The following OR1C1 variants were observed in gnomAD, a reference collection of about 807,000 sequenced individuals.
OR1C1 encodes olfactory receptor 1C1.
For synonymous variants in OR1C1, 153 were observed against 154.6 expected, an observed-to-expected ratio of 0.99 and a Z score of 0.08; for missense variants, 407 against 384.3, an observed-to-expected ratio of 1.06 and a Z score of -0.49.
rs1057152045 is a variant in OR1C1, at chr1:247,757,772, A to T, written c.635T>A (p.Val212Asp). 1 of 1,614,034 alleles carries T rather than the reference A, an allele frequency of 6.2e-7. No homozygotes were observed. Among genetic ancestry groups the T allele is most frequent in the Middle Eastern group, 1.7e-4 (1 of 6,060 alleles). ...VGGLLALTPL[V>D]CILVSYGLIF... The stretch of plus-strand genomic sequence containing the variant: ...AAGTCCATAAGATACGAGGATACAG[A>T]CAAGGGGCGTGAGAGCCAATAGACC... Residue 212 changes from valine (V) to aspartate (D), a missense_variant, in exon 2 of 2, where the codon GTC (valine) becomes GAC (aspartate). By Grantham distance (152) the Val-to-Asp change is radical. Coordinates refer to ENST00000641256, the MANE Select transcript of OR1C1 (RefSeq NM_012353.3).
rs372101119 is a variant in OR1C1, at chr1:247,755,672, G to A, written c.*1790C>T. 6.6e-6 allele frequency: 1 copy of A among 152,016 alleles called. No homozygotes were observed. Among genetic ancestry groups the A allele is most frequent in the Non-Finnish European group, 1.5e-5 (1 of 67,986 alleles). The allele number at this position is 152,016 out of a possible 1,614,324, so 9.4% of individuals were successfully genotyped here. On this transcript the variant is annotated 3_prime_UTR_variant, in exon 2 of 2. Coordinates refer to ENST00000641256, the MANE Select transcript of OR1C1 (RefSeq NM_012353.3). ...CAAAAGATAAAAAAGTTTGATGAGGGTATGGAGGAAAAAGAATCTTTCTTC... is the reference window on the plus strand; with the variant it reads ...CAAAAGATAAAAAAGTTTGATGAGGATATGGAGGAAAAAGAATCTTTCTTC...
At position 247,758,658 on chromosome 1, in the gene OR1C1, C is replaced by A. The variant is rs922781559; in HGVS notation, c.-13-239G>T. On this transcript the variant is annotated intron_variant, in intron 1 of 1. Transcript: ENST00000641256. ...TATCAACTTCTTTCAAGACTGACTTCTTCCCCCAAAAGAAAATGCAAATTA... is the reference window on the plus strand; with the variant it reads ...TATCAACTTCTTTCAAGACTGACTTATTCCCCCAAAAGAAAATGCAAATTA... 3 of 381,418 alleles carry A rather than the reference C, an allele frequency of 7.9e-6. No homozygotes were observed. The South Asian group carries it at 2.0e-4, about 26-fold the overall frequency. The allele number at this position is 381,418 out of a possible 1,614,324, so 23.6% of individuals were successfully genotyped here.
intron 1 of OR1C1, among the ~76,000 whole-genome samples, chr1:247,759,965 A>T (rs1018848496): frequency 6.6e-6 from 1 of 152,172 alleles, no homozygotes; most frequent in Admixed American, 6.5e-5. Flanking sequence ...TATTAATCTC[A>T]TACTCACTAT....
At chr1:247,760,025 ACTT>A (rs1661302590) in intron 1 of OR1C1, among the ~76,000 whole-genome samples, 3 of 152,158 alleles carry the variant, frequency 2.0e-5, no homozygotes, top group Admixed American at 6.5e-5. Context: ...TTCTTGGTCT[ACTT>A]CATTGTAGTT....
In OR1C1 at chr1:247,757,597, G is replaced by A. The variant is rs746047503; in HGVS notation, c.810C>T (p.Ser270=). ...AATACATGATGGTTGACAGAGTGTC[G>A]CTCTCAGGCATATGGGGGGATGAAG... ...FSPSSPHMPE[S]DTLSTIMYSM... Residue 270 remains serine (S), a synonymous_variant, in exon 2 of 2, where the codon AGC becomes AGT. Coordinates refer to ENST00000641256, the MANE Select transcript of OR1C1 (RefSeq NM_012353.3). 20 of 1,613,862 alleles carry A rather than the reference G, an allele frequency of 1.2e-5. No individual in the cohort carries two copies. The highest frequency in any genetic ancestry group is 1.6e-4 in the Middle Eastern group (1 of 6,084).
At position 247,756,034 on chromosome 1, in the gene OR1C1, A is replaced by T. The variant is rs1661205331; in HGVS notation, c.*1428T>A. 1 of 152,200 alleles carries T rather than the reference A, an allele frequency of 6.6e-6. No homozygotes were observed. Among genetic ancestry groups the T allele is most frequent in the Non-Finnish European group, 1.5e-5 (1 of 68,038 alleles). 9.4% of individuals were successfully genotyped at this position (152,200 alleles called of 1,614,324 possible). A position where few individuals can be genotyped will look rare whatever the true frequency, so the allele number is the denominator to read the frequency against. On this transcript the variant is annotated 3_prime_UTR_variant, in exon 2 of 2. Coordinates refer to ENST00000641256, the MANE Select transcript of OR1C1 (RefSeq NM_012353.3). The surrounding 1 kb of genome is among the most constrained non-coding windows in gnomAD (Gnocchi z 4.3). ...TTGTGACATAATCTTTTAACTACAG[A>T]CACGTCTTACCCATTTTTATTGGGT...
At chr1:247,758,517 T>C (rs993889619) in intron 1 of OR1C1, 98 bp from the exon 2 acceptor site, 20 of 662,766 alleles carry the variant, frequency 3.0e-5, no homozygotes, top group African/African-American at 1.6e-4. Context: ...TGTGTGTGTG[T>C]GCATGCGTGC....
chr1:247,758,443 G>A (rs74666869), intron 1 of OR1C1, 24 bp from the exon 2 acceptor site: 69 of 1,251,150 alleles, frequency 5.5e-5, no homozygotes, highest in Non-Finnish European at 7.4e-5. Context: ...TTATTAAATT[G>A]TAAAAGCCAG....
chr1:247,757,894 G>T lies in OR1C1; in HGVS notation c.513C>A (p.Ser171=). 1 of 1,614,038 alleles carries T rather than the reference G, an allele frequency of 6.2e-7. No individual in the cohort carries two copies. The highest frequency in any genetic ancestry group is 8.5e-7 in the Non-Finnish European group (1 of 1,179,984). The change falls in exon 2 of 2, where the codon TCC becomes TCA. Residue 171 remains serine, a synonymous_variant. Transcript: ENST00000641256. The part of the protein sequence containing the change: ...VLIAQLSFCA[S]NIIHHFFCDL... ...CACAGAAGAAATGATGGATGATATT[G>T]GAGGCACAGAAGGACAGCTGTGCTA...
chr1:247,759,170 A>G (rs1175632723), intron 1 of OR1C1, among the ~76,000 whole-genome samples: 1 of 152,106 alleles, frequency 6.6e-6, no homozygotes, highest in Non-Finnish European at 1.5e-5. Context: ...GTACTCTCCA[A>G]CTTCTCACTT....
rs1558317917 is a variant in OR1C1, at chr1:247,758,022, G to A, written c.385C>T (p.Pro129Ser). Residue 129 changes from proline to serine, a missense_variant, in exon 2 of 2, where the codon CCC (proline) becomes TCC (serine). Coordinates refer to ENST00000641256, the MANE Select transcript of OR1C1 (RefSeq NM_012353.3). ...TTCATTCTGGCGGTGTAATGTAAGG[G>A]GTGGCAAATCGCCACATATCTATCA... is the stretch of plus-strand genomic sequence containing the variant. ...AYDRYVAICH[P>S]LHYTARMNLC... 6.2e-7 allele frequency: 1 copy of A among 1,614,038 alleles called. No homozygotes were observed.
chr1:247,757,072 A>G lies in OR1C1; in HGVS notation c.*390T>C, dbSNP rs867837707. On this transcript the variant is annotated 3_prime_UTR_variant, in exon 2 of 2. Coordinates refer to ENST00000641256, the MANE Select transcript of OR1C1 (RefSeq NM_012353.3). ...TACCACATTGTCGAATTAACATTAG[A>G]ATTTATGCCCCTTTAATTCTAAATC... 8 of 162,814 alleles carry G rather than the reference A, an allele frequency of 4.9e-5. No homozygotes were observed. The highest frequency in any genetic ancestry group is 8.1e-5 in the Non-Finnish European group (6 of 74,406). The allele number at this position is 162,814 out of a possible 1,614,324, so 10.1% of individuals were successfully genotyped here. A position where few individuals can be genotyped will look rare whatever the true frequency, so the allele number is the denominator to read the frequency against.
Position 247,756,662 on chromosome 1 carries a change from GTTAA to G in OR1C1, c.*796_*799del, listed in dbSNP as rs1383071248. The G allele has an allele frequency of 2.6e-5, 4 of 152,172 alleles. No individual in the cohort carries two copies. The highest frequency in any genetic ancestry group is 7.2e-5 in the African/African-American group (3 of 41,444). 9.4% of individuals were successfully genotyped at this position (152,172 alleles called of 1,614,324 possible). ...ATATAATTATTTTTGCATACAGTAT[GTTAA>G]TTTTTTGTTAGGAAAGCAAGATAAA... On this transcript the variant is annotated 3_prime_UTR_variant, in exon 2 of 2. Coordinates refer to ENST00000641256, the MANE Select transcript of OR1C1 (RefSeq NM_012353.3). The surrounding 1 kb of genome is among the most constrained non-coding windows in gnomAD (Gnocchi z 4.3).
In OR1C1 at chr1:247,757,486, C is replaced by G; in HGVS notation, c.921G>C (p.Lys307Asn). The G allele has an allele frequency of 6.2e-7, 1 of 1,613,564 alleles. No homozygotes were observed. The highest frequency in any genetic ancestry group is 8.5e-7 in the Non-Finnish European group (1 of 1,179,840). Residue 307 changes from lysine (K) to asparagine (N), a missense_variant, in exon 2 of 2, where the codon AAG (lysine) becomes AAC (asparagine). Physicochemically the swap from Lys to Asn is moderately conservative, Grantham distance 94. Coordinates refer to ENST00000641256, the MANE Select transcript of OR1C1 (RefSeq NM_012353.3). ...ATTATTGCTGCTGAAAGACTGTGCA[C>G]TTGAGAAGCATTTTCTGAAGTCCCC... ...MKRGLQKMLL[K>N]CTVFQQQ
At chr1:247,759,110 T>C (rs1661286416) in intron 1 of OR1C1, among the ~76,000 whole-genome samples, 1 of 152,180 alleles carries the variant, frequency 6.6e-6, no homozygotes, top group Non-Finnish European at 1.5e-5. Flanking sequence ...TATTCTCCCA[T>C]ACCTATCAAC....
intron 1 of OR1C1, chr1:247,758,829 T>C (rs1661281621): frequency 6.1e-6 from 1 of 163,222 alleles, no homozygotes; most frequent in Non-Finnish European, 1.4e-5. Context: ...TTACCTCTAA[T>C]AAATAATTTT....
rs1161909496 is a variant in OR1C1, at chr1:247,760,537, T to C, written c.-139A>G. 1 of 152,144 alleles carries C rather than the reference T, an allele frequency of 6.6e-6. No homozygotes were observed. Among genetic ancestry groups the C allele is most frequent in the Non-Finnish European group, 1.5e-5 (1 of 68,008 alleles). The allele number at this position is 152,144 out of a possible 1,614,324, so 9.4% of individuals were successfully genotyped here. A position where few individuals can be genotyped will look rare whatever the true frequency, so the allele number is the denominator to read the frequency against. On this transcript the variant is annotated 5_prime_UTR_variant, in exon 1 of 2. Coordinates refer to ENST00000641256, the MANE Select transcript of OR1C1 (RefSeq NM_012353.3). ...GAGTGAAAAAGAGAAGAATGAGATA[T>C]AGACAAGTGTGTTTCTTTCGACAGA...
rs1449522736 is a variant in OR1C1 at position 247,757,573 on chromosome 1, A to G, written c.834T>C (p.Tyr278=). ...PESDTLSTIM[Y]SMVAPMLNPF... ...GATTCAGCATCGGAGCCACCATTGA[A>G]TACATGATGGTTGACAGAGTGTCGC... is the stretch of plus-strand genomic sequence containing the variant. The change falls in exon 2 of 2, where the codon TAT becomes TAC. Residue 278 remains tyrosine (Y), a synonymous_variant. Coordinates refer to ENST00000641256, the MANE Select transcript of OR1C1 (RefSeq NM_012353.3). The G allele has an allele frequency of 1.9e-6, 3 of 1,613,966 alleles. No individual in the cohort carries two copies. In the South Asian group the frequency reaches 3.3e-5, roughly 18 times the overall value.
rs147960387 is a variant in OR1C1 at position 247,758,487 on chromosome 1, A to AGAGTGT, written c.-13-69_-13-68insACACTC. 7.0e-6 allele frequency: 4 copies of AGAGTGT among 569,978 alleles called. No homozygotes were observed. In the African/African-American group the frequency reaches 7.7e-5, roughly 11 times the overall value. 35.3% of individuals were successfully genotyped at this position (569,978 alleles called of 1,614,324 possible). ...AGTCTCTTATTCATGAGAGAGAGAC[A>AGAGTGT]GTGTGTGTGTGTGTGTGTGTGTGTG... is the stretch of plus-strand genomic sequence containing the variant. On this transcript the variant is annotated intron_variant, in intron 1 of 1. Coordinates refer to ENST00000641256, the MANE Select transcript of OR1C1 (RefSeq NM_012353.3).
Sources: allele counts gnomAD v4.1 joint callset (sites outside exome capture counted in the v4.1 genomes callset), GRCh38; gene constraint gnomAD v4.1.1; non-coding constraint Gnocchi (gnomAD v3.1); transcripts MANE v1.5; gene names NCBI Gene and HGNC (gene_info 2026-07-23, HGNC 2026-07-21).